PDE12: variants seen among roughly 807,000 people sequenced by gnomAD.
The protein encoded by PDE12 is phosphodiesterase 12.
In PDE12, 26 loss-of-function variants were observed where a neutral mutation model predicts 45.4. The ratio of observed to expected loss-of-function variants is 0.57; its 90% confidence interval spans 0.42 to 0.79. PDE12 has a LOEUF of 0.79. PDE12 is among the 30% of genes least tolerant of loss of function. The pLI, the probability that PDE12 is intolerant of heterozygous loss-of-function variation, is 0.00. For synonymous variants in PDE12, 283 were observed against 323.9 expected (o/e 0.87, Z 1.36); for missense variants, 668 against 790.0 (o/e 0.85, Z 1.85).
the PDE12 span, among the ~76,000 whole-genome samples, chr3:57,575,283 C>CCATT: frequency 1.4e-5 from 2 of 144,014 alleles, no homozygotes; most frequent in African/African-American, 5.0e-5. Context: ...AATCTTCTTT[C>CCATT]CATTCCTTCC....
chr3:57,575,663 T>C, the PDE12 span: 3 of 1,607,754 alleles, frequency 1.9e-6, no homozygotes, highest in Non-Finnish European at 2.5e-6. Context: ...TCTCAATTCA[T>C]CTACCAGAAG....
In PDE12 at chr3:57,556,275, C is replaced by A; in HGVS notation, c.-105C>A. 8.1e-7 allele frequency: 1 copy of A among 1,227,570 alleles called. No homozygotes were observed. Among genetic ancestry groups the A allele is most frequent in the Non-Finnish European group, 1.1e-6 (1 of 908,048 alleles). The allele number at this position is 1,227,570 out of a possible 1,614,324, so 76.0% of individuals were successfully genotyped here. A position where few individuals can be genotyped will look rare whatever the true frequency, so the allele number is the denominator to read the frequency against. On this transcript the variant is annotated 5_prime_UTR_variant, in exon 1 of 3. Coordinates refer to ENST00000311180, the MANE Select transcript of PDE12 (RefSeq NM_177966.7). The surrounding 1 kb of genome is among the most constrained non-coding windows in gnomAD (Gnocchi z 5.0). ...CCCTCTCTTCGCTAGCCGGAAGTCG[C>A]GAGATCTGAATGAGTCAAAGCCGGC...
chr3:57,636,904 TC>T, the PDE12 span, among the ~76,000 whole-genome samples: 1 of 132,390 alleles, frequency 7.6e-6, no homozygotes, highest in South Asian at 2.3e-4. Flanking sequence ...GTCACTACAC[TC>T]CAGCCTGGGT....
At chr3:57,612,474 G>T in the PDE12 span, among the ~76,000 whole-genome samples, 1,423 of 152,110 alleles carry the variant, frequency 9.4e-3, 26 homozygotes, top group African/African-American at 0.032. Context: ...AAGAGATAAA[G>T]TGAAACCATT....
chr3:57,569,962 C>A (rs1419837461), downstream of PDE12, among the ~76,000 whole-genome samples: 2 of 151,864 alleles, frequency 1.3e-5, no homozygotes, highest in Non-Finnish European at 2.9e-5. Context: ...AGGTTAAATA[C>A]CTAGCCCTAA....
chr3:57,637,087 C>T, the PDE12 span, among the ~76,000 whole-genome samples: 27 of 152,102 alleles, frequency 1.8e-4, no homozygotes, highest in African/African-American at 3.1e-4. Context: ...AGATGTCCTC[C>T]GTGCCAGTCT....
At chr3:57,589,372 G>A in the PDE12 span, among the ~76,000 whole-genome samples, 17 of 152,048 alleles carry the variant, frequency 1.1e-4, no homozygotes, top group African/African-American at 3.1e-4. Flanking sequence ...AGGCTGCAGC[G>A]AGCCATGATC....
At chr3:57,595,269 T>C in the PDE12 span, among the ~76,000 whole-genome samples, 1 of 152,294 alleles carries the variant, frequency 6.6e-6, no homozygotes, top group East Asian at 1.9e-4. Context: ...ACAATAAATC[T>C]TAAGTAAAAA....
At chr3:57,604,927 A>G in the PDE12 span, among the ~76,000 whole-genome samples, 1 of 152,064 alleles carries the variant, frequency 6.6e-6, no homozygotes, top group Admixed American at 6.6e-5. Flanking sequence ...TCCATCTTTT[A>G]AAACAAAATA....
In PDE12 at chr3:57,561,241, A is replaced by G. The variant is rs2069724652; in HGVS notation, c.*1237A>G. 3 of 985,386 alleles carry G rather than the reference A, an allele frequency of 3.0e-6. No individual in the cohort carries two copies. The highest frequency in any genetic ancestry group is 3.5e-5 in the African/African-American group (2 of 57,354). The allele number at this position is 985,386 out of a possible 1,614,324, so 61.0% of individuals were successfully genotyped here. On this transcript the variant is annotated 3_prime_UTR_variant, in exon 3 of 3. Transcript: ENST00000311180. ...ACTTTATGAGAAACTACCTACTGAT[A>G]TGGGCTTGAAATTTTGGATGAATCA...
chr3:57,646,681 GAC>G, the PDE12 span, among the ~76,000 whole-genome samples: 216 of 152,182 alleles, frequency 1.4e-3, no homozygotes, highest in African/African-American at 4.9e-3. Flanking sequence ...GTAATATATT[GAC>G]ACACAGAATA....
chr3:57,572,077 G>A, the PDE12 span: 2 of 651,286 alleles, frequency 3.1e-6, no homozygotes, highest in Non-Finnish European at 5.4e-6. Flanking sequence ...ACAATAATTG[G>A]CAACAAAATA....
chr3:57,635,386 G>A, the PDE12 span, among the ~76,000 whole-genome samples: 3 of 151,980 alleles, frequency 2.0e-5, no homozygotes, highest in African/African-American at 7.2e-5. Context: ...TGCAGGCCCT[G>A]GTCTTAGGGT....
the PDE12 span, among the ~76,000 whole-genome samples, chr3:57,599,293 T>C: frequency 2.6e-5 from 4 of 152,200 alleles, no homozygotes; most frequent in Non-Finnish European, 5.9e-5. Flanking sequence ...TTTATCTCAG[T>C]GAGCAGAGGG....
At chr3:57,599,181 G>A in the PDE12 span, among the ~76,000 whole-genome samples, 1 of 150,186 alleles carries the variant, frequency 6.7e-6, no homozygotes, top group Non-Finnish European at 1.5e-5. Flanking sequence ...GGAAGACTCT[G>A]AGTGGGGAGG....
the PDE12 span, chr3:57,645,832 T>C: frequency 2.8e-6 from 3 of 1,053,336 alleles, no homozygotes; most frequent in Non-Finnish European, 4.3e-6. Flanking sequence ...AAAACATCTA[T>C]ACAAACGGTA....
chr3:57,572,148 T>C, the PDE12 span: 2 of 1,297,114 alleles, frequency 1.5e-6, no homozygotes, highest in African/African-American at 2.9e-5. Flanking sequence ...TACAAACTAA[T>C]TTTGTTGTAA....
chr3:57,645,593 C>T, the PDE12 span: 2 of 1,209,002 alleles, frequency 1.7e-6, no homozygotes, highest in Non-Finnish European at 2.3e-6. Context: ...CTTTTATTAC[C>T]AAAAATAATT....
At chr3:57,586,194 T>C in the PDE12 span, among the ~76,000 whole-genome samples, 4 of 152,216 alleles carry the variant, frequency 2.6e-5, no homozygotes, top group African/African-American at 9.7e-5. Context: ...GAATCTATCA[T>C]TGTTCTTAGG....
Sources: allele counts gnomAD v4.1 joint callset (sites outside exome capture counted in the v4.1 genomes callset), GRCh38; gene constraint gnomAD v4.1.1; non-coding constraint Gnocchi (gnomAD v3.1); transcripts MANE v1.5; gene names NCBI Gene and HGNC (gene_info 2026-07-23, HGNC 2026-07-21).